The following CERT1 variants were observed in gnomAD, a reference collection of about 807,000 sequenced individuals.
CERT1 encodes ceramide transporter 1, also known as ceramide transfer protein.
A neutral mutation model predicts 87.9 loss-of-function variants in CERT1; 31 were observed. The observed-to-expected ratio is 0.35, with a 90% CI of 0.27 to 0.48. CERT1 has a LOEUF of 0.48. Among genes scored for constraint, CERT1 ranks in the 20% least tolerant of loss-of-function variants. The probability of loss-of-function intolerance (pLI) is 0.99; values close to 1 mark genes in which losing one functional copy is unlikely to be tolerated. For synonymous variants in CERT1, 289 were observed against 250.9 expected, an observed-to-expected ratio of 1.15 and a Z score of -1.44; for missense variants, 487 against 758.0, an observed-to-expected ratio of 0.64 and a Z score of 4.20.
chr5:75,473,861 A>C (rs1301286462), intron 2 of CERT1, among the ~76,000 whole-genome samples: 1 of 152,228 alleles, frequency 6.6e-6, no homozygotes, highest in East Asian at 1.9e-4. Context: ...TCAACTTTTA[A>C]AATTAATTTT....
At position 75,382,088 on chromosome 5, in the gene CERT1, G is replaced by A. The variant is rs957663140; in HGVS notation, c.1489-11C>T. 1.9e-6 allele frequency: 3 copies of A among 1,605,666 alleles called. No homozygotes were observed. Among genetic ancestry groups the A allele is most frequent in the African/African-American group, 2.7e-5 (2 of 74,376 alleles). Reference sequence around the variant, plus strand: ...AGCAGGCCACACCCTCTGTGGAGAAGTAAAAATCTTTTGAAAAACAGATCT... The same window carrying A: ...AGCAGGCCACACCCTCTGTGGAGAAATAAAAATCTTTTGAAAAACAGATCT... On this transcript the variant is annotated splice_polypyrimidine_tract_variant and intron_variant, in intron 14 of 16. Transcript: ENST00000643780.
chr5:75,421,207 G>A (rs2112166964), intron 5 of CERT1, among the ~76,000 whole-genome samples: 1 of 152,244 alleles, frequency 6.6e-6, no homozygotes, highest in Non-Finnish European at 1.5e-5. Flanking sequence ...TTTACATCAG[G>A]AGCACCGTGG....
intron 3 of CERT1, among the ~76,000 whole-genome samples, chr5:75,427,310 T>A (rs1763657565): frequency 6.6e-6 from 1 of 152,174 alleles, no homozygotes; most frequent in Non-Finnish European, 1.5e-5. Flanking sequence ...GTACGGTGAA[T>A]TAGGCCAGGC....
At chr5:75,385,863 A>G in intron 13 of CERT1, 39 bp downstream of exon 13, 1 of 1,358,650 alleles carries the variant, frequency 7.4e-7, no homozygotes, top group Non-Finnish European at 9.6e-7. Context: ...TATTAAATTC[A>G]AAATAATAGA....
At chr5:75,398,158 C>T (rs1169928967) in intron 11 of CERT1, among the ~76,000 whole-genome samples, 3 of 152,080 alleles carry the variant, frequency 2.0e-5, no homozygotes, top group African/African-American at 7.2e-5. Flanking sequence ...AGGAGAAAAA[C>T]GCTGTACAAG....
At chr5:75,418,276 T>C (rs1417859277) in intron 6 of CERT1, among the ~76,000 whole-genome samples, 1 of 152,072 alleles carries the variant, frequency 6.6e-6, no homozygotes, top group Non-Finnish European at 1.5e-5. Flanking sequence ...ATATCACTAG[T>C]TAATATGGAA....
chr5:75,374,143 TTTTC>T (rs937240244), downstream of CERT1: 3 of 400,548 alleles, frequency 7.5e-6, no homozygotes, highest in African/African-American at 4.1e-5. Context: ...CAGCTTTTTT[TTTTC>T]TTTTTTTCTC....
At chr5:75,500,311 A>G (rs1561307125) in intron 2 of CERT1, among the ~76,000 whole-genome samples, 1 of 152,136 alleles carries the variant, frequency 6.6e-6, no homozygotes, top group Non-Finnish European at 1.5e-5. Flanking sequence ...ACCCTAGCAA[A>G]TGAATACATT....
chr5:75,460,587 T>C (rs936063358), intron 2 of CERT1, among the ~76,000 whole-genome samples: 6 of 152,228 alleles, frequency 3.9e-5, no homozygotes, highest in Admixed American at 2.0e-4. Flanking sequence ...CCAGATACAG[T>C]AGAGAGAGTC....
At position 75,426,377 on chromosome 5, in the gene CERT1, T is replaced by C. The variant is rs61754510; in HGVS notation, c.450A>G (p.Ser150=). The C allele has an allele frequency of 7.1e-3, 11,378 of 1,610,148 alleles. 67 individuals are homozygous for C. Among genetic ancestry groups the C allele is most frequent in the Non-Finnish European group, 8.1e-3 (9,534 of 1,176,546 alleles). ...GCATCCATTAACTACACACCTTGAA[T>C]GAAGAGGTGGATGTTGCAGAGTAGC... is the stretch of plus-strand genomic sequence containing the variant. The part of the protein sequence containing the change: ...ASGYSATSTS[S]FKKGHSLREK... The change falls in exon 4 of 17, where the codon TCA becomes TCG. Residue 150 remains serine (S), a synonymous_variant. Coordinates refer to ENST00000643780, the MANE Select transcript of CERT1 (RefSeq NM_001379029.1).
Position 75,384,253 on chromosome 5 carries a change from A to C in CERT1, c.1488+389T>G, listed in dbSNP as rs953394312. Among the ~76,000 whole-genome samples the C allele has an allele frequency of 2.6e-5, 4 of 152,336 alleles. No individual in the cohort carries two copies. The East Asian group carries it at 7.7e-4, about 29-fold the overall frequency. ...CTAGACTTAAACTGTGTATAAAGAA[A>C]GCTAAGAGTGTGGCATACACCAGTA... On this transcript the variant is annotated intron_variant, in intron 14 of 16. Coordinates refer to ENST00000643780, the MANE Select transcript of CERT1 (RefSeq NM_001379029.1).
chr5:75,417,887 T>C (rs1159948287), intron 6 of CERT1, among the ~76,000 whole-genome samples: 1 of 152,248 alleles, frequency 6.6e-6, no homozygotes, highest in Non-Finnish European at 1.5e-5. Context: ...CTGGGCGCGG[T>C]GGCTCACGCC....
intron 2 of CERT1, among the ~76,000 whole-genome samples, chr5:75,483,511 T>C (rs1281527704): frequency 1.3e-5 from 2 of 152,000 alleles, no homozygotes; most frequent in African/African-American, 4.8e-5. Flanking sequence ...GAGATCAATA[T>C]GAACATATAA....
chr5:75,374,368 C>CAAA (rs1761203105), downstream of CERT1: 4 of 533,558 alleles, frequency 7.5e-6, no homozygotes, highest in Non-Finnish European at 1.3e-5. Flanking sequence ...CAAATTTGAA[C>CAAA]TTATTCCATC....
chr5:75,467,658 A>G (rs1765520895), intron 2 of CERT1, among the ~76,000 whole-genome samples: 1 of 151,642 alleles, frequency 6.6e-6, no homozygotes, highest in East Asian at 1.9e-4. Context: ...AAGAAAAAAA[A>G]AAAAAAAAAG....
At chr5:75,487,500 C>G (rs1766577561) in intron 2 of CERT1, among the ~76,000 whole-genome samples, 1 of 151,930 alleles carries the variant, frequency 6.6e-6, no homozygotes, top group Admixed American at 6.6e-5. Context: ...AGTTAAAAGG[C>G]GTCTCTACAG....
intron 1 of CERT1, 50 bp downstream of exon 1, chr5:75,511,062 C>T: frequency 2.0e-6 from 3 of 1,478,162 alleles, no homozygotes; most frequent in Non-Finnish European, 2.7e-6. Context: ...CGGATTGCCT[C>T]GCTGCAGGTG....
rs1765123625 is a variant in CERT1, at chr5:75,459,135, C to T, written c.278G>A (p.Ser93Asn). 1.9e-6 allele frequency: 3 copies of T among 1,612,984 alleles called. No homozygotes were observed. The highest frequency in any genetic ancestry group is 2.5e-6 in the Non-Finnish European group (3 of 1,179,118). ...ECRFDISVNDSVWYLRAQDPD... is the reference protein window; with the variant it reads ...ECRFDISVNDNVWYLRAQDPD... ...ATCCTGAGCACGAAGATACCAAACA[C>T]TATCATTTACACTAATATCAAATCG... is the stretch of plus-strand genomic sequence containing the variant. Residue 93 changes from serine (S) to asparagine (N), a missense_variant, in exon 3 of 17, where the codon AGT (serine) becomes AAT (asparagine). Ser to Asn is a conservative substitution (Grantham distance 46). Around this residue, in one of 8 missense-constraint regions of CERT1, gnomAD observed 173 missense variants for 302.2 expected, o/e 0.57. Transcript: ENST00000643780.
chr5:75,468,630 A>T (rs1184574202), intron 2 of CERT1, among the ~76,000 whole-genome samples: 1 of 152,152 alleles, frequency 6.6e-6, no homozygotes, highest in Non-Finnish European at 1.5e-5. Flanking sequence ...AGTAACAGGT[A>T]GGCCTCATGA....
Sources: gnomAD v4.1 joint callset for allele counts (sites outside exome capture counted in the v4.1 genomes callset) on GRCh38, gnomAD v4.1.1 for gene constraint, gnomAD v4.1.1 regional missense constraint, MANE v1.5 for transcripts, NCBI Gene and HGNC (gene_info 2026-07-23, HGNC 2026-07-21) for gene names.